The following CLNK variants were observed in gnomAD, a reference collection of about 807,000 sequenced individuals.
CLNK encodes the protein cytokine-dependent hematopoietic cell linker.
CLNK carries 74 observed loss-of-function variants against 68.6 expected under a neutral mutation model. The ratio of observed to expected loss-of-function variants is 1.08; its 90% confidence interval spans 0.89 to 1.31. CLNK has a LOEUF of 1.31. CLNK is among the 50% of genes most tolerant of loss of function. CLNK has a pLI of 0.00. For missense variants in CLNK, 553 were observed against 515.3 expected (o/e 1.07, Z -0.71); for synonymous variants, 198 against 172.2 (o/e 1.15, Z -1.17).
chr4:10,557,076 A>AAAATAAAT (rs145622246), intron 8 of CLNK, among the ~76,000 whole-genome samples: 21,093 of 139,850 alleles, frequency 0.15, 1,931 homozygotes, highest in Admixed American at 0.24. Context: ...ACTCTGTCTC[A>AAAATAAAT]AAATAAATAA....
chr4:10,660,763 C>T (rs147166529), intron 2 of CLNK, among the ~76,000 whole-genome samples: 56 of 152,256 alleles, frequency 3.7e-4, no homozygotes, highest in African/African-American at 1.1e-3. Context: ...CCCTCATCAC[C>T]GACCATCTTT....
At chr4:10,651,904 A>C (rs1723754046) in intron 2 of CLNK, among the ~76,000 whole-genome samples, 1 of 152,078 alleles carries the variant, frequency 6.6e-6, no homozygotes, top group African/African-American at 2.4e-5. Context: ...TATATAATAA[A>C]CATAAGATAA....
intron 2 of CLNK, among the ~76,000 whole-genome samples, chr4:10,665,662 C>CA (rs57998581): frequency 0.11 from 6,773 of 62,294 alleles, 380 homozygotes; most frequent in Admixed American, 0.19. Flanking sequence ...GACTTCGTCT[C>CA]AAAAAAAAAA....
chr4:10,624,871 A>C (rs1393365473), intron 2 of CLNK, among the ~76,000 whole-genome samples: 2 of 152,172 alleles, frequency 1.3e-5, no homozygotes, highest in Non-Finnish European at 1.5e-5. Flanking sequence ...ATAGACTTAC[A>C]GAAGGAGATG....
At chr4:10,600,269 C>T (rs937958413) in intron 2 of CLNK, among the ~76,000 whole-genome samples, 3 of 152,212 alleles carry the variant, frequency 2.0e-5, no homozygotes, top group African/African-American at 7.2e-5. Flanking sequence ...TGAACTCTTC[C>T]CTGCTGCTTC....
At position 10,543,969 on chromosome 4, in the gene CLNK, G is replaced by A. The variant is rs184125980; in HGVS notation, c.446-1689C>T. On this transcript the variant is annotated intron_variant, in intron 8 of 18. Coordinates refer to ENST00000226951, the MANE Select transcript of CLNK (RefSeq NM_052964.4). ...TCAAGGAAATCACAAAAAAGCTTAGGCCACATAATGCTTGCTTAAGGGACA... is the reference window on the plus strand; with the variant it reads ...TCAAGGAAATCACAAAAAAGCTTAGACCACATAATGCTTGCTTAAGGGACA... Among the ~76,000 whole-genome samples, 10 of 152,214 alleles carry A rather than the reference G, an allele frequency of 6.6e-5. No individual in the cohort carries two copies. In the East Asian group the frequency reaches 1.7e-3, roughly 26 times the overall value.
the CLNK span, among the ~76,000 whole-genome samples, chr4:10,712,534 C>T: frequency 6.6e-6 from 1 of 152,288 alleles, no homozygotes; most frequent in South Asian, 2.1e-4. Context: ...AAATAAACCC[C>T]TCCATGCTTG....
chr4:10,560,590 T>C (rs1719847901), intron 7 of CLNK, among the ~76,000 whole-genome samples: 1 of 151,778 alleles, frequency 6.6e-6, no homozygotes, highest in South Asian at 2.1e-4. Flanking sequence ...ACTACAGGCG[T>C]GCGTCACCAT....
intron 2 of CLNK, among the ~76,000 whole-genome samples, chr4:10,613,081 GA>G (rs1264274437): frequency 6.6e-6 from 1 of 152,138 alleles, no homozygotes; most frequent in African/African-American, 2.4e-5. Flanking sequence ...ACAAAATAAA[GA>G]AGATGGCTAA....
At chr4:10,655,861 GGATGATCTCGATCTCCT>G (rs773465203) in intron 2 of CLNK, among the ~76,000 whole-genome samples, 2 of 151,976 alleles carry the variant, frequency 1.3e-5, no homozygotes, top group African/African-American at 2.4e-5. Flanking sequence ...GTGTTAGCCA[GGATGATCTCGATCTCCT>G]GACCTCGTGA....
At chr4:10,576,570 T>C (rs1720572592) in intron 4 of CLNK, among the ~76,000 whole-genome samples, 1 of 152,238 alleles carries the variant, frequency 6.6e-6, no homozygotes, top group Non-Finnish European at 1.5e-5. Context: ...ACTCCAGCCC[T>C]GTGGCTGTCC....
the CLNK span, among the ~76,000 whole-genome samples, chr4:10,699,992 C>T: frequency 2.0e-5 from 2 of 100,340 alleles, no homozygotes; most frequent in South Asian, 4.3e-4. Context: ...AAAGGACTGA[C>T]TGTGTGTGCA....
At chr4:10,597,192 G>T (rs1300472811) in intron 3 of CLNK, among the ~76,000 whole-genome samples, 1 of 152,200 alleles carries the variant, frequency 6.6e-6, no homozygotes, top group Non-Finnish European at 1.5e-5. Context: ...GACTTGAATT[G>T]GGATTCGAGG....
chr4:10,730,587 A>G, the CLNK span, among the ~76,000 whole-genome samples: 1 of 152,120 alleles, frequency 6.6e-6, no homozygotes, highest in African/African-American at 2.4e-5. Flanking sequence ...GTCCTACTCT[A>G]TAGATTTAGA....
intron 2 of CLNK, among the ~76,000 whole-genome samples, chr4:10,634,058 TG>T (rs755496994): frequency 9.8e-5 from 15 of 152,318 alleles, no homozygotes; most frequent in South Asian, 4.1e-4. Context: ...TGCAGACTGA[TG>T]GGCTCACCCT....
At chr4:10,728,265 A>G in the CLNK span, among the ~76,000 whole-genome samples, 1 of 152,222 alleles carries the variant, frequency 6.6e-6, no homozygotes, top group Non-Finnish European at 1.5e-5. Context: ...TTGTCTCCCC[A>G]AAAACAATAT....
intron 1 of CLNK, among the ~76,000 whole-genome samples, chr4:10,681,342 T>C (rs1362078288): frequency 1.3e-5 from 2 of 152,216 alleles, no homozygotes; most frequent in Non-Finnish European, 2.9e-5. Flanking sequence ...GATGGTGAAA[T>C]GTGGTCCTTA....
intron 2 of CLNK, among the ~76,000 whole-genome samples, chr4:10,613,826 C>T (rs1020719940): frequency 7.9e-5 from 12 of 152,212 alleles, no homozygotes; most frequent in African/African-American, 2.9e-4. Context: ...AGCAAGCCCA[C>T]TTTGTATGTT....
intron 7 of CLNK, among the ~76,000 whole-genome samples, chr4:10,559,023 A>T (rs1005906320): frequency 2.6e-5 from 4 of 152,214 alleles, no homozygotes; most frequent in African/African-American, 9.6e-5. Context: ...AACACGGAAC[A>T]CAAGCACTGT....
Sources: gnomAD v4.1 joint callset for allele counts (sites outside exome capture counted in the v4.1 genomes callset) on GRCh38, gnomAD v4.1.1 for gene constraint, MANE v1.5 for transcripts, NCBI Gene and HGNC (gene_info 2026-07-23, HGNC 2026-07-21) for gene names.